RBFOX1: variants seen among roughly 807,000 people sequenced by gnomAD.
RBFOX1 encodes the protein RNA binding fox-1 homolog 1.
RBFOX1 carries 8 observed loss-of-function variants against 57.7 expected under a neutral mutation model. The ratio of observed to expected loss-of-function variants is 0.14; its 90% CI spans 0.08 to 0.25. RBFOX1 has a LOEUF of 0.25. Among genes scored for constraint, RBFOX1 ranks in the 10% least tolerant of loss-of-function variants. The probability of loss-of-function intolerance (pLI) is 1.00; values close to 1 mark genes in which losing one functional copy is unlikely to be tolerated. For synonymous variants in RBFOX1, 326 were observed against 222.4 expected, an observed-to-expected ratio of 1.47 and a Z score of -4.15; for missense variants, 611 against 548.5, an observed-to-expected ratio of 1.11 and a Z score of -1.14.
chr16:7,579,709 C>A lies in RBFOX1; in HGVS notation c.271-68C>A, dbSNP rs905616254. 1.3e-5 allele frequency: 20 copies of A among 1,585,282 alleles called. 1 individual carries two copies. In the South Asian group the frequency reaches 2.1e-4, roughly 17 times the overall value. The stretch of plus-strand genomic sequence containing the variant: ...ATCTTTTCCTGCCACTCATGGCAAG[C>A]AAAAGAGCATCGGAAGAGAGCACTG... On this transcript the variant is annotated intron_variant, in intron 5 of 15. Coordinates refer to ENST00000550418, the MANE Select transcript of RBFOX1 (RefSeq NM_018723.4).
chr16:6,512,991 C>T (rs79283079), intron 2 of RBFOX1, among the ~76,000 whole-genome samples: 23 of 152,260 alleles, frequency 1.5e-4, no homozygotes, highest in South Asian at 1.2e-3. Context: ...AATTTTGTTA[C>T]GAATTCCTAC....
intron 2 of RBFOX1, among the ~76,000 whole-genome samples, chr16:6,646,237 A>G (rs996379310): frequency 6.6e-6 from 1 of 152,072 alleles, no homozygotes; most frequent in African/African-American, 2.4e-5. Flanking sequence ...CCGAACAATA[A>G]TTTGTTCTCG....
intron 4 of RBFOX1, among the ~76,000 whole-genome samples, chr16:7,064,537 A>C (rs2055452574): frequency 6.6e-6 from 1 of 152,060 alleles, no homozygotes; most frequent in Non-Finnish European, 1.5e-5. Context: ...ACATGACCCA[A>C]AGGGAGATGA....
intron 1 of RBFOX1, among the ~76,000 whole-genome samples, chr16:5,441,046 C>T (rs911729807): frequency 6.6e-6 from 1 of 152,192 alleles, no homozygotes; most frequent in African/African-American, 2.4e-5. Flanking sequence ...AAATGAAGGT[C>T]TGTCTCCAGG....
chr16:7,684,168 A>T (rs867234912), intron 14 of RBFOX1, among the ~76,000 whole-genome samples: 12 of 152,068 alleles, frequency 7.9e-5, no homozygotes, highest in African/African-American at 2.9e-4. Context: ...ATTTATTTCC[A>T]CTTTTGTGTG....
intron 1 of RBFOX1, among the ~76,000 whole-genome samples, chr16:6,314,275 A>G (rs778355258): frequency 6.6e-6 from 1 of 152,188 alleles, no homozygotes; most frequent in East Asian, 1.9e-4. Context: ...TTCCCAGACT[A>G]CATAGTTACA....
chr16:7,053,934 G>T (rs1351935880), intron 4 of RBFOX1, among the ~76,000 whole-genome samples: 1 of 151,996 alleles, frequency 6.6e-6, no homozygotes, highest in Non-Finnish European at 1.5e-5. Context: ...CATATATAGG[G>T]TTCAAAATTT....
At chr16:7,182,513 G>T (rs1266996991) in intron 4 of RBFOX1, among the ~76,000 whole-genome samples, 3 of 152,134 alleles carry the variant, frequency 2.0e-5, no homozygotes. Flanking sequence ...ATATTTTATG[G>T]TGAACTGTTG....
chr16:7,521,498 C>G (rs2077504939), intron 5 of RBFOX1, among the ~76,000 whole-genome samples: 1 of 151,516 alleles, frequency 6.6e-6, no homozygotes, highest in Non-Finnish European at 1.5e-5. Context: ...CATCTTTGCC[C>G]TGCAAAAAGA....
At chr16:6,465,057 C>G (rs1304056661) in intron 2 of RBFOX1, among the ~76,000 whole-genome samples, 2 of 152,196 alleles carry the variant, frequency 1.3e-5, no homozygotes, top group East Asian at 1.9e-4. Flanking sequence ...ATTGTCCACA[C>G]AGTATATATA....
At chr16:7,351,176 G>A (rs946580245) in intron 4 of RBFOX1, among the ~76,000 whole-genome samples, 1 of 152,232 alleles carries the variant, frequency 6.6e-6, no homozygotes, top group East Asian at 1.9e-4. Flanking sequence ...TTTGGATTCA[G>A]ATGGACCGAG....
intron 3 of RBFOX1, among the ~76,000 whole-genome samples, chr16:6,941,004 GC>G (rs936149766): frequency 6.6e-5 from 10 of 151,846 alleles, no homozygotes; most frequent in Admixed American, 5.3e-4. Context: ...ACCACACCCG[GC>G]CCCCCTTATC....
chr16:7,550,312 T>C (rs1037927365), intron 5 of RBFOX1, among the ~76,000 whole-genome samples: 1 of 151,826 alleles, frequency 6.6e-6, no homozygotes, highest in Non-Finnish European at 1.5e-5. Context: ...AAGTGGTTTC[T>C]GGAATCCTCT....
chr16:5,337,043 T>A (rs2064915715), intron 1 of RBFOX1, among the ~76,000 whole-genome samples: 1 of 152,182 alleles, frequency 6.6e-6, no homozygotes, highest in Non-Finnish European at 1.5e-5. Context: ...AGCTGCACTC[T>A]TGGTATTTAC....
chr16:5,838,649 GCCCAGCAGTCACTT>G (rs2056535953), intron 3 of RBFOX1: 1 of 154,166 alleles, frequency 6.5e-6, no homozygotes, highest in Admixed American at 6.5e-5. Context: ...CATCTTTGGG[GCCCAGCAGTCACTT>G]TCTCTCTCTA....
intron 2 of RBFOX1, among the ~76,000 whole-genome samples, chr16:5,525,372 T>G (rs1056355064): frequency 1.2e-4 from 18 of 152,164 alleles, no homozygotes; most frequent in African/African-American, 4.3e-4. Flanking sequence ...GTTGTTTTAT[T>G]ACTCTGACTT....
At chr16:6,676,960 G>C (rs1603354731) in intron 3 of RBFOX1, among the ~76,000 whole-genome samples, 1 of 152,150 alleles carries the variant, frequency 6.6e-6, no homozygotes, top group African/African-American at 2.4e-5. Context: ...ACAGGCATGA[G>C]CCACCATGCC....
At chr16:5,861,040 A>G (rs952780966) in intron 3 of RBFOX1, among the ~76,000 whole-genome samples, 11 of 152,204 alleles carry the variant, frequency 7.2e-5, no homozygotes, top group Middle Eastern at 3.2e-3. Context: ...TGGCTGGTGT[A>G]CCAGAGAGAA....
intron 4 of RBFOX1, among the ~76,000 whole-genome samples, chr16:7,476,775 G>C (rs2191385): frequency 0.12 from 17,925 of 152,184 alleles, 1,228 homozygotes; most frequent in South Asian, 0.22. Context: ...ATGTCAGTAG[G>C]ATTTGGTCTC....
Sources: gnomAD v4.1 joint callset for allele counts (sites outside exome capture counted in the v4.1 genomes callset) on GRCh38, gnomAD v4.1.1 for gene constraint, MANE v1.5 for transcripts, NCBI Gene and HGNC (gene_info 2026-07-23, HGNC 2026-07-21) for gene names.